The following OPA3 variants were observed in gnomAD, a reference collection of about 807,000 sequenced individuals.
OPA3 encodes outer mitochondrial membrane lipid metabolism regulator OPA3.
OPA3 carries 6 observed loss-of-function variants against 4.0 expected under a neutral mutation model. The ratio of observed to expected loss-of-function variants is 1.51; its 90% CI spans 0.83 to 2.99. OPA3 has a LOEUF of 2.99. Ranked by LOEUF, OPA3 falls within the 30% of genes most tolerant of loss-of-function variation. The pLI is 0.00. For synonymous variants in OPA3, 105 were observed against 117.1 expected, an observed-to-expected ratio of 0.90 and a Z score of 0.67; for missense variants, 235 against 256.2, an observed-to-expected ratio of 0.92 and a Z score of 0.56.
intron 1 of OPA3, among the ~76,000 whole-genome samples, chr19:45,564,796 C>A (rs59399005): frequency 0.052 from 7,867 of 152,212 alleles, 670 homozygotes; most frequent in African/African-American, 0.18. Context: ...CTTTGAAGTT[C>A]CACCTACATT....
Position 45,550,997 on chromosome 19 carries a change from G to A in OPA3, c.*2517C>T, listed in dbSNP as rs1271939456. 8 of 978,100 alleles carry A rather than the reference G, an allele frequency of 8.2e-6. No individual in the cohort carries two copies. The East Asian group carries it at 9.1e-4, about 111-fold the overall frequency. The allele number at this position is 978,100 out of a possible 1,614,324, so 60.6% of individuals were successfully genotyped here. ...TTTTTCTGAGAAAGGGTCTCACTCTGTCATCCAGGCTGGAGTGTAGTGGCG... is the reference window on the plus strand; with the variant it reads ...TTTTTCTGAGAAAGGGTCTCACTCTATCATCCAGGCTGGAGTGTAGTGGCG... On this transcript the variant is annotated 3_prime_UTR_variant, in exon 2 of 2. Transcript: ENST00000263275.
chr19:45,579,829 G>A (rs1248146544), intron 1 of OPA3, among the ~76,000 whole-genome samples: 3 of 151,992 alleles, frequency 2.0e-5, no homozygotes, highest in Admixed American at 6.6e-5. Flanking sequence ...CAGACAAGCC[G>A]TGGCACAAAG....
downstream of OPA3, among the ~76,000 whole-genome samples, chr19:45,546,037 TA>T (rs1969244856): frequency 6.6e-6 from 1 of 152,026 alleles, no homozygotes; most frequent in South Asian, 2.1e-4. Context: ...TAACGGAGAA[TA>T]AAAAGTAACG....
downstream of OPA3, among the ~76,000 whole-genome samples, chr19:45,545,625 G>A (rs1347423654): frequency 6.6e-6 from 1 of 151,746 alleles, no homozygotes; most frequent in Non-Finnish European, 1.5e-5. Context: ...TCTCTTCCCA[G>A]AGTAAAAGTT....
intron 1 of OPA3, among the ~76,000 whole-genome samples, chr19:45,556,849 G>A (rs1400118081): frequency 1.3e-5 from 2 of 152,226 alleles, no homozygotes; most frequent in Non-Finnish European, 2.9e-5. Context: ...GGTCCAGGCT[G>A]TGGAGACCCC....
intron 1 of OPA3, among the ~76,000 whole-genome samples, chr19:45,572,299 C>CATATATGTCGACATATATGAG (rs1969680557): frequency 8.7e-6 from 1 of 114,848 alleles, no homozygotes; most frequent in East Asian, 2.3e-4. Context: ...ATATATATCT[C>CATATATGTCGACATATATGAG]ATATATATCG....
intron 1 of OPA3, among the ~76,000 whole-genome samples, chr19:45,573,435 G>A (rs1969718541): frequency 2.0e-5 from 3 of 152,014 alleles, no homozygotes; most frequent in Admixed American, 1.3e-4. Context: ...TGGGCAACAA[G>A]AGCGAAACTC....
chr19:45,568,158 C>G (rs551392947), intron 1 of OPA3, among the ~76,000 whole-genome samples: 1 of 152,178 alleles, frequency 6.6e-6, no homozygotes, highest in Admixed American at 6.6e-5. Flanking sequence ...GCCACCCCAC[C>G]TGGCAATCCA....
intron 1 of OPA3, among the ~76,000 whole-genome samples, chr19:45,537,396 C>CA (rs1181396046): frequency 0.61 from 17,482 of 28,812 alleles, 6,149 homozygotes; most frequent in South Asian, 0.68. Context: ...GACTCTGTCT[C>CA]AAAAAAAAAA....
chr19:45,553,960 G>T (rs758562282), intron 1 of OPA3, 49 bp from the exon 2 acceptor site: 2 of 1,495,354 alleles, frequency 1.3e-6, no homozygotes, highest in African/African-American at 1.4e-5. Flanking sequence ...CCCCCTGCAA[G>T]CCCCACCCCT....
Position 45,553,789 on chromosome 19 carries a change from T to C in OPA3, c.265A>G (p.Ile89Val). ...AGGCAGCCGCCGCCCACGATGAAGA[T>C]GGTGGCTTCGCCCAGCAGCTCTGCG... is the stretch of plus-strand genomic sequence containing the variant. Reference protein sequence around the residue: ...LGAELLGEATIFIVGGGCLVL... With the variant: ...LGAELLGEATVFIVGGGCLVL... The change falls in exon 2 of 2, where the codon ATC becomes GTC. Residue 89 changes from isoleucine to valine, a missense_variant. By Grantham distance (29) the Ile-to-Val change is conservative. Coordinates refer to ENST00000263275, the MANE Select transcript of OPA3 (RefSeq NM_025136.4). 1 of 1,613,298 alleles carries C rather than the reference T, an allele frequency of 6.2e-7. No homozygotes were observed.
chr19:45,533,925 T>C (rs1044280360), intron 1 of OPA3, among the ~76,000 whole-genome samples: 3 of 152,218 alleles, frequency 2.0e-5, no homozygotes, highest in Admixed American at 6.5e-5. Context: ...GTTCAGTCCA[T>C]GTGAATTCTA....
chr19:45,580,434 C>T (rs1969836597), intron 1 of OPA3, among the ~76,000 whole-genome samples: 1 of 151,074 alleles, frequency 6.6e-6, no homozygotes, highest in Non-Finnish European at 1.5e-5. Context: ...GCTGGGATTA[C>T]AGGCATGCGC....
chr19:45,553,494 A>G lies in OPA3; in HGVS notation c.*20T>C. 1 of 1,612,320 alleles carries G rather than the reference A, an allele frequency of 6.2e-7. No individual in the cohort carries two copies. The highest frequency in any genetic ancestry group is 8.5e-7 in the Non-Finnish European group (1 of 1,179,982). On this transcript the variant is annotated 3_prime_UTR_variant, in exon 2 of 2. Transcript: ENST00000263275. ...AGGTACATAGGCCATGTCCAAATTC[A>G]GGTTCCATCCAGCAAGCTCCTATTT... is the stretch of plus-strand genomic sequence containing the variant.
chr19:45,554,544 G>A (rs1486479485), intron 1 of OPA3, among the ~76,000 whole-genome samples: 1 of 152,150 alleles, frequency 6.6e-6, no homozygotes, highest in Non-Finnish European at 1.5e-5. Context: ...TGGTGCTGCT[G>A]GAACAAAAAC....
Position 45,548,818 on chromosome 19 carries a change from T to TTTATTTAC in OPA3, c.*4695_*4696insGTAAATAA, listed in dbSNP as rs1382702447. ...ATTTATTTATTTATTTATTTATTTA[T>TTTATTTAC]TTAGAGATGAAGTCTCGCTCTGTCA... On this transcript the variant is annotated 3_prime_UTR_variant, in exon 2 of 2. Transcript: ENST00000263275. 1 of 753,180 alleles carries TTTATTTAC rather than the reference T, an allele frequency of 1.3e-6. No individual in the cohort carries two copies. The highest frequency in any genetic ancestry group is 2.0e-5 in the African/African-American group (1 of 50,946). 46.7% of individuals were successfully genotyped at this position (753,180 alleles called of 1,614,324 possible). A position where few individuals can be genotyped will look rare whatever the true frequency, so the allele number is the denominator to read the frequency against.
intron 1 of OPA3, among the ~76,000 whole-genome samples, chr19:45,574,021 G>C (rs1311752267): frequency 1.3e-5 from 2 of 151,196 alleles, no homozygotes; most frequent in African/African-American, 4.9e-5. Flanking sequence ...AAATTAGCTG[G>C]GCGTGGTGGC....
chr19:45,541,113 A>C (rs1395981148), intron 1 of OPA3, among the ~76,000 whole-genome samples: 1 of 152,168 alleles, frequency 6.6e-6, no homozygotes, highest in African/African-American at 2.4e-5. Context: ...GTTCTCCCAC[A>C]ACCAGAAGGC....
rs1410873249 is a variant in OPA3, at chr19:45,551,977, G to C, written c.*1537C>G. On this transcript the variant is annotated 3_prime_UTR_variant, in exon 2 of 2. Transcript: ENST00000263275. ...ACACAGTACAAGCTCCAGGGACTCTGAGGACAGGAAAATAGGGGGCTGAGG... is the reference window on the plus strand; with the variant it reads ...ACACAGTACAAGCTCCAGGGACTCTCAGGACAGGAAAATAGGGGGCTGAGG... 2.0e-6 allele frequency: 2 copies of C among 985,448 alleles called. No homozygotes were observed. The highest frequency in any genetic ancestry group is 2.4e-6 in the Non-Finnish European group (2 of 830,042). 61.0% of individuals were successfully genotyped at this position (985,448 alleles called of 1,614,324 possible). A position where few individuals can be genotyped will look rare whatever the true frequency, so the allele number is the denominator to read the frequency against.
Sources: allele counts gnomAD v4.1 joint callset (sites outside exome capture counted in the v4.1 genomes callset), GRCh38; gene constraint gnomAD v4.1.1; transcripts MANE v1.5; gene names NCBI Gene and HGNC (gene_info 2026-07-23, HGNC 2026-07-21).